The following TMC1 variants were observed in gnomAD, a reference collection of about 807,000 sequenced individuals.
TMC1 encodes the protein transmembrane channel like 1.
Under a neutral mutation model 105.8 loss-of-function variants are expected in TMC1, and 84 were observed. The ratio of observed to expected loss-of-function variants is 0.79; its 90% CI spans 0.67 to 0.95. The LOEUF is 0.95. Among genes scored for constraint, TMC1 ranks in the 40% least tolerant of loss-of-function variants. The pLI is 0.00. For missense variants in TMC1, 817 were observed against 914.1 expected (o/e 0.89, Z 1.37); for synonymous variants, 315 against 311.5 (o/e 1.01, Z -0.12).
intron 5 of TMC1, among the ~76,000 whole-genome samples, chr9:72,683,734 T>C (rs1202096516): frequency 1.4e-4 from 2 of 14,042 alleles, no homozygotes; most frequent in Non-Finnish European, 3.3e-4. Flanking sequence ...TTACACATTT[T>C]ATATATATAT....
chr9:72,830,698 A>C lies in TMC1; in HGVS notation c.2260+16A>C. 2 of 1,537,970 alleles carry C rather than the reference A, an allele frequency of 1.3e-6. No individual in the cohort carries two copies. The highest frequency in any genetic ancestry group is 1.8e-6 in the Non-Finnish European group (2 of 1,134,384). Reference sequence around the variant, plus strand: ...GCACGAGCAGGTTGGAGATACGTTTATGTTTGTAATGTTTGTAATTTTTCT... The same window carrying C: ...GCACGAGCAGGTTGGAGATACGTTTCTGTTTGTAATGTTTGTAATTTTTCT... On this transcript the variant is annotated intron_variant, in intron 23 of 23. Transcript: ENST00000297784.
At chr9:72,737,710 A>G (rs953485986) in intron 8 of TMC1, among the ~76,000 whole-genome samples, 2 of 152,222 alleles carry the variant, frequency 1.3e-5, no homozygotes, top group African/African-American at 4.8e-5. Context: ...CTCCTGTCTT[A>G]TCACCTCTAA....
rs143220380 is a variant in TMC1, at chr9:72,636,626, C to T, written c.-53+8563C>T. Among the ~76,000 whole-genome samples, 59 of 143,086 alleles carry T rather than the reference C, an allele frequency of 4.1e-4. No homozygotes were observed. In the East Asian group the frequency reaches 5.3e-3, roughly 13 times the overall value. The allele number at this position is 143,086 out of a possible 152,430, so 93.9% of individuals were successfully genotyped here. On this transcript the variant is annotated intron_variant, in intron 4 of 23. Transcript: ENST00000297784. ...AGGAGGCTGAGGCAGGAGAATTCCT[C>T]GAACCTGGGACTTGGAGGTTGCAGA...
chr9:72,793,613 G>A (rs913913448), intron 17 of TMC1, among the ~76,000 whole-genome samples: 1 of 152,220 alleles, frequency 6.6e-6, no homozygotes, highest in African/African-American at 2.4e-5. Context: ...GTTTGGGCCA[G>A]CAACGGGTCT....
At chr9:72,589,936 A>T (rs1824608953) in intron 2 of TMC1, among the ~76,000 whole-genome samples, 1 of 152,134 alleles carries the variant, frequency 6.6e-6, no homozygotes, top group Admixed American at 6.6e-5. Flanking sequence ...CCCACTGATG[A>T]ACTGCAGGGT....
At chr9:72,620,000 AAT>A (rs1442301917) in intron 3 of TMC1, among the ~76,000 whole-genome samples, 9 of 151,522 alleles carry the variant, frequency 5.9e-5, no homozygotes, top group Non-Finnish European at 1.3e-4. Flanking sequence ...ATGCCCAGCT[AAT>A]GTTTGTATTT....
chr9:72,691,762 G>A (rs371986373), intron 6 of TMC1, among the ~76,000 whole-genome samples: 2 of 152,162 alleles, frequency 1.3e-5, no homozygotes, highest in East Asian at 3.9e-4. Context: ...CCCTTAGGCA[G>A]CCTCCTGAGA....
rs1233145713 is a variant in TMC1 at position 72,547,064 on chromosome 9, A to G, written c.-428+25151A>G. 6.6e-5 allele frequency among the ~76,000 whole-genome samples: 10 copies of G among 152,274 alleles called. No individual in the cohort carries two copies. In the East Asian group the frequency reaches 1.9e-3, roughly 29 times the overall value. ...CACCTTGGGAGGCCAAGGCAAGTGG[A>G]TCACCTGAGGTCAGGAGTTTGAGAC... On this transcript the variant is annotated intron_variant, in intron 1 of 23. Coordinates refer to ENST00000297784, the MANE Select transcript of TMC1 (RefSeq NM_138691.3).
At chr9:72,544,219 G>T (rs924774148) in intron 1 of TMC1, among the ~76,000 whole-genome samples, 3 of 151,948 alleles carry the variant, frequency 2.0e-5, no homozygotes, top group Non-Finnish European at 4.4e-5. Flanking sequence ...AAAGTGCTGG[G>T]ATTACAGGTG....
intron 3 of TMC1, among the ~76,000 whole-genome samples, chr9:72,616,756 G>T (rs991821632): frequency 2.1e-4 from 32 of 151,822 alleles, no homozygotes; most frequent in Non-Finnish European, 5.9e-5. Flanking sequence ...CCTTTTAAAG[G>T]CACAAAAGGA....
rs41310067 is a variant in TMC1, at chr9:72,830,465, A to T, written c.2144A>T (p.Tyr715Phe). ...TTTTAATTTAGTTTGGCCATCTATT[A>T]TCTCAATGCTACTGCCAAGGGCCAG... Reference protein sequence around the residue: ...VILVMVLAIYYLNATAKGQKA... With the variant: ...VILVMVLAIYFLNATAKGQKA... The change falls in exon 22 of 24, where the codon TAT (tyrosine) becomes TTT (phenylalanine). Residue 715 changes from tyrosine (Y) to phenylalanine (F), a missense_variant. Transcript: ENST00000297784. 6.1e-4 allele frequency: 986 copies of T among 1,612,910 alleles called. 2 individuals carry two copies. The highest frequency in any genetic ancestry group is 7.7e-4 in the Non-Finnish European group (903 of 1,179,246).
At chr9:72,591,747 T>G (rs1215659771) in intron 2 of TMC1, among the ~76,000 whole-genome samples, 1 of 152,130 alleles carries the variant, frequency 6.6e-6, no homozygotes, top group East Asian at 1.9e-4. Flanking sequence ...TTTGTTTGTT[T>G]TTAATAGAGA....
intron 1 of TMC1, among the ~76,000 whole-genome samples, chr9:72,571,374 CTT>C (rs947134979): frequency 1.3e-4 from 15 of 116,240 alleles, no homozygotes; most frequent in Non-Finnish European, 2.5e-4. Flanking sequence ...TTACTTCTCT[CTT>C]TCTCTCTCTC....
chr9:72,736,431 T>G (rs1431189625), intron 8 of TMC1, among the ~76,000 whole-genome samples: 1 of 152,224 alleles, frequency 6.6e-6, no homozygotes, highest in Non-Finnish European at 1.5e-5. Flanking sequence ...ATTAAAAATC[T>G]TGGTAGAAAT....
intron 5 of TMC1, chr9:72,651,539 A>G (rs1306528544): frequency 2.6e-5 from 4 of 152,126 alleles, no homozygotes; most frequent in Non-Finnish European, 4.4e-5. Context: ...ATTTGGGCAG[A>G]GCCATAGAAA....
In TMC1 at chr9:72,737,546, A is replaced by G. The variant is rs1281719306; in HGVS notation, c.363-2573A>G. Among the ~76,000 whole-genome samples, 3 of 152,276 alleles carry G rather than the reference A, an allele frequency of 2.0e-5. No individual in the cohort carries two copies. In the East Asian group the frequency reaches 5.8e-4, roughly 29 times the overall value. On this transcript the variant is annotated intron_variant, in intron 8 of 23. Transcript: ENST00000297784. ...CAGGTTTGCTTTCCTCTGAAAAATC[A>G]GACACTCATGTATGTGGGACAAAGA...
chr9:72,629,599 T>G (rs1379519202), intron 4 of TMC1, among the ~76,000 whole-genome samples: 1 of 152,098 alleles, frequency 6.6e-6, no homozygotes. Context: ...TGTGTTTATG[T>G]GTGTTTGGGA....
intron 18 of TMC1, among the ~76,000 whole-genome samples, chr9:72,805,954 A>T (rs1564567035): frequency 6.6e-6 from 1 of 152,108 alleles, no homozygotes; most frequent in Non-Finnish European, 1.5e-5. Context: ...CTTTCTACAC[A>T]GACACGGCAA....
chr9:72,711,074 G>T (rs1360407328), intron 8 of TMC1, among the ~76,000 whole-genome samples: 1 of 152,086 alleles, frequency 6.6e-6, no homozygotes, highest in Non-Finnish European at 1.5e-5. Flanking sequence ...AGCTTCATCC[G>T]TGTCCCTGCA....
Sources: gnomAD v4.1 joint callset for allele counts (sites outside exome capture counted in the v4.1 genomes callset) on GRCh38, gnomAD v4.1.1 for gene constraint, MANE v1.5 for transcripts, NCBI Gene and HGNC (gene_info 2026-07-23, HGNC 2026-07-21) for gene names.